UEVLD: variants seen among roughly 807,000 people sequenced by gnomAD.
UEVLD encodes UEV and lactate/malate dehyrogenase domains.
Under a neutral mutation model 58.6 loss-of-function variants are expected in UEVLD, and 47 were observed. The ratio of observed to expected loss-of-function variants is 0.80; its 90% CI spans 0.63 to 1.02. The LOEUF (loss-of-function observed/expected upper bound fraction) is 1.02. Ranked by LOEUF, UEVLD falls within the 50% of genes least tolerant of loss-of-function variation. UEVLD has a pLI of 0.00. For missense variants in UEVLD, 510 were observed against 550.6 expected (o/e 0.93, Z 0.74); for synonymous variants, 197 against 195.3 (o/e 1.01, Z -0.07).
chr11:18,555,228 C>T (rs1342171213), intron 7 of UEVLD, among the ~76,000 whole-genome samples: 2 of 152,036 alleles, frequency 1.3e-5, no homozygotes, highest in Non-Finnish European at 2.9e-5. Context: ...AGATCAAGAC[C>T]ATCCTAGCTA....
Position 18,560,124 on chromosome 11 carries a change from CACACACACACACACAG to C in UEVLD, c.613-1810_613-1795del, listed in dbSNP as rs1186394195. Among the ~76,000 whole-genome samples, 43 of 85,728 alleles carry C rather than the reference CACACACACACACACAG, an allele frequency of 5.0e-4. 1 individual carries two copies. The highest frequency in any genetic ancestry group is 2.0e-3 in the African/African-American group (38 of 19,268). 56.2% of individuals were successfully genotyped at this position (85,728 alleles called of 152,430 possible). ...ACACACACACACACACACACACACA[CACACACACACACACAG>C]AGAGAGAAAGAAAATAACCCTGCTA... On this transcript the variant is annotated intron_variant, in intron 6 of 11. Transcript: ENST00000396197.
intron 5 of UEVLD, 68 bp downstream of exon 5, chr11:18,566,279 T>C: frequency 6.3e-7 from 1 of 1,584,406 alleles, no homozygotes; most frequent in Non-Finnish European, 8.6e-7. Context: ...TGGCAGAAAG[T>C]AAAGGAGTTT....
intron 5 of UEVLD, among the ~76,000 whole-genome samples, chr11:18,565,640 C>A (rs1380657357): frequency 6.6e-6 from 1 of 152,004 alleles, no homozygotes; most frequent in Non-Finnish European, 1.5e-5. Flanking sequence ...ACCAGCCTGG[C>A]CAACATGGCA....
chr11:18,579,835 C>A (rs1487562624), intron 1 of UEVLD, among the ~76,000 whole-genome samples: 2 of 151,862 alleles, frequency 1.3e-5, no homozygotes, highest in Non-Finnish European at 2.9e-5. Context: ...ACAATGGTAT[C>A]AAAAAGAATA....
At chr11:18,568,284 T>A (rs761037627) in intron 4 of UEVLD, among the ~76,000 whole-genome samples, 1 of 152,042 alleles carries the variant, frequency 6.6e-6, no homozygotes, top group Non-Finnish European at 1.5e-5. Context: ...CAAACAAAAT[T>A]ATGAAAAGAG....
At chr11:18,564,575 C>T (rs10741747) in intron 6 of UEVLD, among the ~76,000 whole-genome samples, 59,101 of 151,224 alleles carry the variant, frequency 0.39, 11,989 homozygotes, top group East Asian at 0.66. Flanking sequence ...AAAATTACTA[C>T]ATTAAATGAG....
At chr11:18,583,194 G>C (rs1853337914) in intron 1 of UEVLD, among the ~76,000 whole-genome samples, 1 of 149,280 alleles carries the variant, frequency 6.7e-6, no homozygotes, top group Non-Finnish European at 1.5e-5. Flanking sequence ...AAAGTACTTG[G>C]ATTACAGGCG....
chr11:18,584,806 T>G (rs996247701), intron 1 of UEVLD, among the ~76,000 whole-genome samples: 8 of 152,104 alleles, frequency 5.3e-5, no homozygotes, highest in Non-Finnish European at 1.2e-4. Context: ...CTAATTTTTG[T>G]ATTTTTAGTA....
intron 9 of UEVLD, among the ~76,000 whole-genome samples, chr11:18,537,942 C>T (rs569785721): frequency 1.5e-4 from 23 of 151,974 alleles, no homozygotes; most frequent in Admixed American, 3.9e-4. Context: ...GGATTACAGG[C>T]GTAAGCCACT....
intron 10 of UEVLD, among the ~76,000 whole-genome samples, chr11:18,534,988 A>G (rs547702381): frequency 6.6e-6 from 1 of 152,360 alleles, no homozygotes; most frequent in Admixed American, 6.5e-5. Context: ...TGGTTAAATC[A>G]CTACCAAGCG....
chr11:18,556,514 T>C (rs1851763212), intron 7 of UEVLD, among the ~76,000 whole-genome samples: 1 of 152,218 alleles, frequency 6.6e-6, no homozygotes, highest in Non-Finnish European at 1.5e-5. Context: ...TATGTCTTTA[T>C]ATATTATTTG....
At chr11:18,536,614 G>C in intron 9 of UEVLD, 145 bp from the exon 10 acceptor site, 1 of 645,056 alleles carries the variant, frequency 1.6e-6, no homozygotes, top group South Asian at 1.8e-5. Context: ...TTTTCCACTG[G>C]ATAACAATGA....
In UEVLD at chr11:18,570,265, A is replaced by G; in HGVS notation, c.306T>C (p.His102=). ...TANMGILVGK[H]VDAQGRIYLP... ...AATATATTCTGCCTTGAGCATCCAC[A>G]TGTTTTCCGACTAAGATTCCCATAT... Residue 102 remains histidine (H), a synonymous_variant, in exon 4 of 12, where the codon CAT becomes CAC. Coordinates refer to ENST00000396197, the MANE Select transcript of UEVLD (RefSeq NM_001040697.4). The G allele has an allele frequency of 1.9e-6, 3 of 1,607,062 alleles. No individual in the cohort carries two copies. Among genetic ancestry groups the G allele is most frequent in the Non-Finnish European group, 2.5e-6 (3 of 1,177,712 alleles).
Position 18,566,342 on chromosome 11 carries a change from C to A in UEVLD, c.493+5G>T. 1 of 1,613,776 alleles carries A rather than the reference C, an allele frequency of 6.2e-7. No homozygotes were observed. The highest frequency in any genetic ancestry group is 8.5e-7 in the Non-Finnish European group (1 of 1,179,992). On this transcript the variant is annotated splice_donor_5th_base_variant and intron_variant, in intron 5 of 11. Coordinates refer to ENST00000396197, the MANE Select transcript of UEVLD (RefSeq NM_001040697.4). Reference sequence around the variant, plus strand: ...CAAGATAATCTGCCTGACAAATATACAAACCTTCAGTGATTTTTGCAATAT... The same window carrying A: ...CAAGATAATCTGCCTGACAAATATAAAAACCTTCAGTGATTTTTGCAATAT...
chr11:18,540,605 TTGAG>T (rs1371727351), intron 9 of UEVLD, among the ~76,000 whole-genome samples: 1 of 152,220 alleles, frequency 6.6e-6, no homozygotes, highest in African/African-American at 2.4e-5. Context: ...ATGTTCTTGA[TTGAG>T]TATGGATTCA....
At chr11:18,586,592 C>T (rs1431635057) in intron 1 of UEVLD, among the ~76,000 whole-genome samples, 1 of 152,134 alleles carries the variant, frequency 6.6e-6, no homozygotes, top group Non-Finnish European at 1.5e-5. Flanking sequence ...ACAATCATAG[C>T]TCTCTGCATA....
chr11:18,538,675 C>T (rs894951744), intron 9 of UEVLD, among the ~76,000 whole-genome samples: 4 of 151,766 alleles, frequency 2.6e-5, no homozygotes, highest in African/African-American at 9.7e-5. Context: ...CAAAACCTCT[C>T]GCATGATTCA....
chr11:18,585,328 T>A (rs1853491825), intron 1 of UEVLD, among the ~76,000 whole-genome samples: 1 of 152,248 alleles, frequency 6.6e-6, no homozygotes, highest in African/African-American at 2.4e-5. Flanking sequence ...TAAAGTTGTC[T>A]TTTACATTTA....
At chr11:18,559,885 A>G (rs1851929775) in intron 6 of UEVLD, among the ~76,000 whole-genome samples, 1 of 152,068 alleles carries the variant, frequency 6.6e-6, no homozygotes, top group Non-Finnish European at 1.5e-5. Context: ...AGACTTGAAG[A>G]TATCTCCTAT....
Sources: gnomAD v4.1 joint callset for allele counts (sites outside exome capture counted in the v4.1 genomes callset) on GRCh38, gnomAD v4.1.1 for gene constraint, MANE v1.5 for transcripts, NCBI Gene and HGNC (gene_info 2026-07-23, HGNC 2026-07-21) for gene names.